FAM53A: variants seen among roughly 807,000 people sequenced by gnomAD.
The protein encoded by FAM53A is protein FAM53A.
A neutral mutation model predicts 26.6 loss-of-function variants in FAM53A; 28 were observed. That is an observed-to-expected ratio of 1.05 (90% CI 0.78 to 1.45). FAM53A has a LOEUF of 1.45. Among genes scored for constraint, FAM53A ranks in the 40% most tolerant of loss-of-function variants. The pLI is 0.00. For missense variants in FAM53A, 650 were observed against 575.8 expected (o/e 1.13, Z -1.32); for synonymous variants, 290 against 253.1 (o/e 1.15, Z -1.38).
At chr4:1,617,209 T>C (rs1380055638), downstream of FAM53A, among the ~76,000 whole-genome samples, 4 of 144,174 alleles carry the variant, frequency 2.8e-5, 1 homozygote, top group African/African-American at 1.2e-4. Flanking sequence ...GCATGTTTTG[T>C]CTGCTCAGTC....
intron 1 of FAM53A, among the ~76,000 whole-genome samples, chr4:1,677,096 C>T (rs1257174375): frequency 6.6e-6 from 1 of 152,220 alleles, no homozygotes; most frequent in East Asian, 1.9e-4. Flanking sequence ...CCCTCCCCCT[C>T]ATCTTGCAGC....
At chr4:1,587,264 T>G in the FAM53A span, among the ~76,000 whole-genome samples, 2 of 152,354 alleles carry the variant, frequency 1.3e-5, no homozygotes, top group African/African-American at 4.8e-5. Context: ...ATTATCTATT[T>G]TCTCTTTTGT....
chr4:1,652,938 C>T (rs1331497114), intron 4 of FAM53A, among the ~76,000 whole-genome samples: 1 of 150,592 alleles, frequency 6.6e-6, no homozygotes, highest in Non-Finnish European at 1.5e-5. Context: ...CACACACCCC[C>T]ACCACACACA....
intron 3 of FAM53A, among the ~76,000 whole-genome samples, chr4:1,656,034 A>T (rs532817719): frequency 2.6e-5 from 4 of 152,232 alleles, no homozygotes; most frequent in African/African-American, 9.6e-5. Context: ...TTGCTAAAAC[A>T]TTCTTCCCGC....
At chr4:1,600,625 C>T in the FAM53A span, among the ~76,000 whole-genome samples, 1 of 152,252 alleles carries the variant, frequency 6.6e-6, no homozygotes, top group Non-Finnish European at 1.5e-5. Context: ...CTTGCCTCCC[C>T]TCTGCCCTGC....
Position 1,618,259 on chromosome 4 carries a change from C to T in FAM53A, c.432-148G>A, listed in dbSNP as rs1425742766. The T allele has an allele frequency of 9.5e-6, 4 of 420,694 alleles. No homozygotes were observed. The Admixed American group carries it at 1.0e-4, about 11-fold the overall frequency. The allele number at this position is 420,694 out of a possible 1,614,324, so 26.1% of individuals were successfully genotyped here. On this transcript the variant is annotated intron_variant, in intron 1 of 1. Transcript: ENST00000489029. ...CAGGGGTGCATCCAGGCTGTGGCCC[C>T]CAGGTGGCCACCCTCAGTGGGGATG... is the stretch of plus-strand genomic sequence containing the variant.
rs537687907 is a variant in FAM53A at position 1,643,814 on chromosome 4, G to T, written c.883-2207C>A. ...ACTCCTGGGCTCAAACAATCCTCCC[G>T]CCTCAGCCTCCCAAAGTGCTGGGAT... On this transcript the variant is annotated intron_variant, in intron 4 of 4. Coordinates refer to ENST00000308132, the MANE Select transcript of FAM53A (RefSeq NM_001174070.3). 1.5e-3 allele frequency among the ~76,000 whole-genome samples: 233 copies of T among 152,042 alleles called. 1 individual carries two copies. Among genetic ancestry groups the T allele is most frequent in the African/African-American group, 5.4e-3 (224 of 41,494 alleles).
At chr4:1,580,407 G>C in the FAM53A span, among the ~76,000 whole-genome samples, 1 of 152,226 alleles carries the variant, frequency 6.6e-6, no homozygotes, top group African/African-American at 2.4e-5. Context: ...GCAGGGATGT[G>C]AGGGCAGCTC....
chr4:1,622,019 C>A (rs1372722069), intron 1 of FAM53A, among the ~76,000 whole-genome samples: 1 of 152,196 alleles, frequency 6.6e-6, no homozygotes, highest in East Asian at 1.9e-4. Context: ...CAGGTTCCGA[C>A]CCCATCTGCT....
intron 1 of FAM53A, among the ~76,000 whole-genome samples, chr4:1,683,269 G>A (rs1376419984): frequency 6.6e-6 from 1 of 152,146 alleles, no homozygotes; most frequent in Non-Finnish European, 1.5e-5. Context: ...CTACCTTCAG[G>A]GTGCAAGGGT....
At chr4:1,616,018 G>C (rs1022480698), downstream of FAM53A, among the ~76,000 whole-genome samples, 20 of 152,168 alleles carry the variant, frequency 1.3e-4, no homozygotes, top group African/African-American at 4.6e-4. Flanking sequence ...CCTGGGTGCT[G>C]GGCCAGCCAC....
At chr4:1,654,230 C>G (rs887556240) in intron 4 of FAM53A, among the ~76,000 whole-genome samples, 1 of 152,220 alleles carries the variant, frequency 6.6e-6, no homozygotes, top group African/African-American at 2.4e-5. Flanking sequence ...TGCACACAGC[C>G]CACCCTACTC....
chr4:1,675,890 CG>C (rs1715009514), intron 1 of FAM53A, among the ~76,000 whole-genome samples: 2 of 152,216 alleles, frequency 1.3e-5, no homozygotes, highest in Admixed American at 6.5e-5. Flanking sequence ...TGGAGCTCCA[CG>C]GGGGCAGCAG....
chr4:1,649,424 C>T (rs1237576353), intron 4 of FAM53A, among the ~76,000 whole-genome samples: 1 of 152,238 alleles, frequency 6.6e-6, no homozygotes, highest in African/African-American at 2.4e-5. Context: ...ACACTCCTTA[C>T]GGAGAAGAGC....
chr4:1,593,090 C>T, the FAM53A span, among the ~76,000 whole-genome samples: 1 of 152,170 alleles, frequency 6.6e-6, no homozygotes, highest in Non-Finnish European at 1.5e-5. Context: ...GTCGGGCTTT[C>T]TCCGCCGGCG....
chr4:1,610,454 A>G, the FAM53A span, among the ~76,000 whole-genome samples: 1 of 152,154 alleles, frequency 6.6e-6, no homozygotes, highest in African/African-American at 2.4e-5. Context: ...ACGTGCCTCG[A>G]AGGTCTGTGG....
At chr4:1,596,694 C>A in the FAM53A span, among the ~76,000 whole-genome samples, 1 of 149,574 alleles carries the variant, frequency 6.7e-6, no homozygotes, top group African/African-American at 2.6e-5. Flanking sequence ...CCACCGAGGC[C>A]GTGCCACACG....
intron 2 of FAM53A, among the ~76,000 whole-genome samples, chr4:1,667,491 G>A (rs1386000272): frequency 1.3e-5 from 2 of 152,054 alleles, no homozygotes; most frequent in African/African-American, 4.8e-5. Context: ...CAGTCACAGC[G>A]GCCCTGAGTG....
the FAM53A span, among the ~76,000 whole-genome samples, chr4:1,589,708 T>C: frequency 6.6e-6 from 1 of 152,208 alleles, no homozygotes; most frequent in Admixed American, 6.5e-5. Flanking sequence ...TCTGAATATA[T>C]TAGTGTATAG....
Sources: gnomAD v4.1 joint callset for allele counts (sites outside exome capture counted in the v4.1 genomes callset) on GRCh38, gnomAD v4.1.1 for gene constraint, MANE v1.5 for transcripts, NCBI Gene and HGNC (gene_info 2026-07-23, HGNC 2026-07-21) for gene names.